The following ITFG1 variants were observed in gnomAD, a reference collection of about 807,000 sequenced individuals.
ITFG1 encodes T-cell immunomodulatory protein.
ITFG1 carries 34 observed loss-of-function variants against 81.8 expected under a neutral mutation model. That is an observed-to-expected ratio of 0.42 (90% CI 0.32 to 0.55). ITFG1 has a LOEUF of 0.55. ITFG1 is among the 20% of genes least tolerant of loss of function. ITFG1 has a pLI of 0.17. For synonymous variants in ITFG1, 285 were observed against 270.6 expected, an observed-to-expected ratio of 1.05 and a Z score of -0.52; for missense variants, 672 against 755.4, an observed-to-expected ratio of 0.89 and a Z score of 1.29.
At chr16:47,327,225 A>G (rs1208009936) in intron 8 of ITFG1, among the ~76,000 whole-genome samples, 1 of 152,240 alleles carries the variant, frequency 6.6e-6, no homozygotes, top group Non-Finnish European at 1.5e-5. Context: ...GCAAAGGGGA[A>G]AGCATTCCCT....
chr16:47,205,828 TTATCTATCTATC>T (rs58886060), intron 14 of ITFG1, among the ~76,000 whole-genome samples: 8,213 of 142,994 alleles, frequency 0.057, 306 homozygotes, highest in East Asian at 0.18. Context: ...TGGAATTAAA[TTATCTATCTATC>T]TATCTATCTA....
chr16:47,355,128 A>G (rs776959775), intron 8 of ITFG1, among the ~76,000 whole-genome samples: 5 of 152,266 alleles, frequency 3.3e-5, no homozygotes, highest in African/African-American at 7.2e-5. Flanking sequence ...TAGCCAAGAT[A>G]AGGAAACAAC....
At chr16:47,258,119 G>C (rs1449428798) in intron 12 of ITFG1, among the ~76,000 whole-genome samples, 1 of 152,200 alleles carries the variant, frequency 6.6e-6, no homozygotes, top group Non-Finnish European at 1.5e-5. Context: ...GAGAAACTTG[G>C]TGATCATCAA....
intron 12 of ITFG1, among the ~76,000 whole-genome samples, chr16:47,248,785 GA>G (rs571242275): frequency 2.0e-4 from 30 of 152,282 alleles, no homozygotes; most frequent in East Asian, 1.4e-3. Flanking sequence ...TGGGTGAAGT[GA>G]AACTTATTTT....
chr16:47,332,463 G>A (rs1337613764), intron 8 of ITFG1, among the ~76,000 whole-genome samples: 1 of 152,062 alleles, frequency 6.6e-6, no homozygotes, highest in African/African-American at 2.4e-5. Flanking sequence ...ATTAACAAGC[G>A]TAAAGATCCC....
chr16:47,352,680 C>A (rs192625124), intron 8 of ITFG1, among the ~76,000 whole-genome samples: 1 of 152,152 alleles, frequency 6.6e-6, no homozygotes, highest in Non-Finnish European at 1.5e-5. Flanking sequence ...ACTAGAAATA[C>A]CATTTGACCC....
chr16:47,246,097 C>T (rs1358449381), intron 12 of ITFG1, among the ~76,000 whole-genome samples: 3 of 152,166 alleles, frequency 2.0e-5, no homozygotes, highest in Non-Finnish European at 4.4e-5. Context: ...ATCACATAAT[C>T]ACATTAGTAT....
chr16:47,451,478 A>G lies in ITFG1; in HGVS notation c.486-8T>C, dbSNP rs747220661. Reference sequence around the variant, plus strand: ...ATTAGATCACCATTGAAACTGAAAAAAAATTAAAACAATAAGCAGCTATTT... The same window carrying G: ...ATTAGATCACCATTGAAACTGAAAAGAAATTAAAACAATAAGCAGCTATTT... On this transcript the variant is annotated splice_region_variant and splice_polypyrimidine_tract_variant and intron_variant, in intron 4 of 17. Coordinates refer to ENST00000320640, the MANE Select transcript of ITFG1 (RefSeq NM_030790.5). The G allele has an allele frequency of 9.0e-6, 13 of 1,445,524 alleles. No homozygotes were observed. Among genetic ancestry groups the G allele is most frequent in the Middle Eastern group, 3.5e-4 (2 of 5,636 alleles). The allele number at this position is 1,445,524 out of a possible 1,614,324, so 89.5% of individuals were successfully genotyped here.
Position 47,158,937 on chromosome 16 carries a change from A to G in ITFG1, c.1715T>C (p.Ile572Thr), listed in dbSNP as rs1229477451. 2 of 1,605,446 alleles carry G rather than the reference A, an allele frequency of 1.2e-6. No individual in the cohort carries two copies. The highest frequency in any genetic ancestry group is 1.7e-6 in the Non-Finnish European group (2 of 1,175,734). ...TPSNIVLLTA[I>T]ALIGVCVFIL... is the part of the protein sequence containing the mutation. ...GAAAACACAGACACCGATGAGAGCT[A>G]TAGCAGTAAGCAGAACAATATTACT... The change falls in exon 17 of 18, where the codon ATA (isoleucine) becomes ACA (threonine). Residue 572 changes from isoleucine to threonine, a missense_variant. Around this residue, in one of 3 missense-constraint regions of ITFG1, gnomAD observed 65 missense variants for 103.3 expected, o/e 0.63. Transcript: ENST00000320640.
At chr16:47,391,549 G>A (rs560591578) in intron 6 of ITFG1, among the ~76,000 whole-genome samples, 2 of 152,216 alleles carry the variant, frequency 1.3e-5, no homozygotes, top group South Asian at 4.2e-4. Flanking sequence ...TCTCTGAGAC[G>A]TTTTAAATTT....
chr16:47,320,078 C>T (rs1596891178), intron 8 of ITFG1, among the ~76,000 whole-genome samples: 2 of 152,294 alleles, frequency 1.3e-5, no homozygotes, highest in South Asian at 2.1e-4. Context: ...TGTGCCACCA[C>T]GCCCAGCAGA....
chr16:47,389,477 T>C (rs888432665), intron 6 of ITFG1, among the ~76,000 whole-genome samples: 5 of 151,976 alleles, frequency 3.3e-5, no homozygotes, highest in Admixed American at 3.3e-4. Flanking sequence ...TAACTTGAAT[T>C]CACAGGAATA....
chr16:47,350,847 A>C (rs1043476620), intron 8 of ITFG1, among the ~76,000 whole-genome samples: 1 of 152,212 alleles, frequency 6.6e-6, no homozygotes, highest in Non-Finnish European at 1.5e-5. Flanking sequence ...CCAGCAGTAC[A>C]TCAAAAAGCT....
intron 10 of ITFG1, among the ~76,000 whole-genome samples, chr16:47,267,044 AG>A (rs1320278119): frequency 6.6e-6 from 1 of 152,080 alleles, no homozygotes; most frequent in Admixed American, 6.5e-5. Context: ...ATTGGAGGAA[AG>A]GGGGAATGAC....
At chr16:47,291,020 GC>G (rs11292751) in intron 10 of ITFG1, among the ~76,000 whole-genome samples, 152,271 of 152,272 alleles carry the variant, frequency 1, 76,135 homozygotes, top group Non-Finnish European at 1. Context: ...TTGTCCTGTG[GC>G]CTGCTAGATC....
intron 6 of ITFG1, among the ~76,000 whole-genome samples, chr16:47,424,895 G>A (rs1378297299): frequency 6.6e-6 from 1 of 152,136 alleles, no homozygotes; most frequent in Non-Finnish European, 1.5e-5. Context: ...TTGGGGTCAG[G>A]GACCCACTTG....
intron 10 of ITFG1, among the ~76,000 whole-genome samples, chr16:47,294,165 CTG>C (rs1029671976): frequency 6.6e-6 from 1 of 152,046 alleles, no homozygotes; most frequent in Non-Finnish European, 1.5e-5. Context: ...GATCAGTTAA[CTG>C]TAGACTTTTG....
intron 14 of ITFG1, among the ~76,000 whole-genome samples, chr16:47,195,768 A>G (rs2151518894): frequency 6.6e-6 from 1 of 152,124 alleles, no homozygotes; most frequent in South Asian, 2.1e-4. Flanking sequence ...ACAAAACAAA[A>G]TGGGATACAT....
chr16:47,441,177 G>T (rs1280161713), intron 5 of ITFG1, among the ~76,000 whole-genome samples: 1 of 152,146 alleles, frequency 6.6e-6, no homozygotes, highest in Non-Finnish European at 1.5e-5. Flanking sequence ...TGAAATTGAG[G>T]CAATAATTAA....
Sources: allele counts gnomAD v4.1 joint callset (sites outside exome capture counted in the v4.1 genomes callset), GRCh38; gene constraint gnomAD v4.1.1; regional missense constraint gnomAD v4.1.1; transcripts MANE v1.5; gene names NCBI Gene and HGNC (gene_info 2026-07-23, HGNC 2026-07-21).